The following PTPRD variants were observed in gnomAD, a reference collection of about 807,000 sequenced individuals.
PTPRD encodes receptor-type tyrosine-protein phosphatase delta.
PTPRD carries 34 observed loss-of-function variants against 214.5 expected under a neutral mutation model. The observed-to-expected ratio is 0.16, with a 90% CI of 0.12 to 0.21. The LOEUF is 0.21. PTPRD is among the 10% of genes least tolerant of loss of function. PTPRD has a pLI of 1.00. For synonymous variants in PTPRD, 1,128 were observed against 845.7 expected, an observed-to-expected ratio of 1.33 and a Z score of -5.79; for missense variants, 2,545 against 2,398.7, an observed-to-expected ratio of 1.06 and a Z score of -1.27.
chr9:10,599,266 C>T (rs545577612), intron 2 of PTPRD, among the ~76,000 whole-genome samples: 5 of 151,626 alleles, frequency 3.3e-5, no homozygotes, highest in Admixed American at 2.6e-4. Flanking sequence ...ACTCACCTTA[C>T]GACTGTTAAA....
At chr9:10,454,716 T>G (rs1240791197) in intron 2 of PTPRD, among the ~76,000 whole-genome samples, 2 of 151,802 alleles carry the variant, frequency 1.3e-5, no homozygotes, top group Non-Finnish European at 3.0e-5. Flanking sequence ...TTTGCATTAA[T>G]TGTTTCCTCT....
At chr9:9,262,832 C>G (rs1329561223) in intron 9 of PTPRD, among the ~76,000 whole-genome samples, 2 of 151,560 alleles carry the variant, frequency 1.3e-5, no homozygotes, top group African/African-American at 4.8e-5. Flanking sequence ...CTTTGGTTTC[C>G]TGAAATGAAA....
chr9:9,353,928 TTC>T (rs2052548938), intron 9 of PTPRD, among the ~76,000 whole-genome samples: 2 of 151,764 alleles, frequency 1.3e-5, no homozygotes, highest in Admixed American at 1.3e-4. Flanking sequence ...AGCTTCCAAG[TTC>T]TTTCAGGTTA....
Position 9,788,551 on chromosome 9 carries a change from CAAAAA to C in PTPRD, c.-367-21705_-367-21701del, listed in dbSNP as rs371559861. 2.6e-5 allele frequency among the ~76,000 whole-genome samples: 3 copies of C among 117,438 alleles called. No individual in the cohort carries two copies. The South Asian group carries it at 8.7e-4, about 34-fold the overall frequency. The allele number at this position is 117,438 out of a possible 152,430, so 77.0% of individuals were successfully genotyped here. Reference sequence around the variant, plus strand: ...TGGGCAACAGTGAGAAGCTCCGTCTCAAAAAAAAAAAAAAGAAAGAAAAAAAAAAG... The same window carrying C: ...TGGGCAACAGTGAGAAGCTCCGTCTCAAAAAAAAAGAAAGAAAAAAAAAAG... On this transcript the variant is annotated intron_variant, in intron 5 of 45. Coordinates refer to ENST00000381196, the MANE Select transcript of PTPRD (RefSeq NM_002839.4).
Position 8,331,579 on chromosome 9 carries a change from T to TACCATTCTTGAACTGTAACTC in PTPRD, c.5534+2_5534+3insGAGTTACAGTTCAAGAATGGT, listed in dbSNP as rs1841203287. On this transcript the variant is annotated splice_region_variant and intron_variant, in intron 44 of 45. Coordinates refer to ENST00000381196, the MANE Select transcript of PTPRD (RefSeq NM_002839.4). ...ACTGCTTTATTCACAAATGGAAACT[T>TACCATTCTTGAACTGTAACTC]ACCTGCAATGGACTGAAATGGGTCC... 6.2e-7 allele frequency: 1 copy of TACCATTCTTGAACTGTAACTC among 1,613,994 alleles called. No homozygotes were observed. The highest frequency in any genetic ancestry group is 1.3e-5 in the African/African-American group (1 of 75,032).
In PTPRD at chr9:8,485,777, G is replaced by A. The variant is rs764618985; in HGVS notation, c.3040C>T (p.Leu1014=). The A allele has an allele frequency of 3.1e-6, 5 of 1,611,768 alleles. No individual in the cohort carries two copies. The highest frequency in any genetic ancestry group is 1.3e-5 in the African/African-American group (1 of 74,862). The stretch of plus-strand genomic sequence containing the variant: ...CAAATCCTACCTTGATCCACAGGCA[G>A]TGTCCTGAACTGGACACTGGGACTA... ...PYSPSVQFRT[L]PVDQVFAKNF... Residue 1014 remains leucine (L), a synonymous_variant, in exon 28 of 46, where the codon CTG becomes TTG. Transcript: ENST00000381196.
chr9:9,926,038 C>T (rs1050927212), intron 5 of PTPRD, among the ~76,000 whole-genome samples: 1 of 151,816 alleles, frequency 6.6e-6, no homozygotes, highest in Non-Finnish European at 1.5e-5. Flanking sequence ...TCTATGTTGC[C>T]CAGGCTGGTC....
intron 12 of PTPRD, among the ~76,000 whole-genome samples, chr9:8,703,335 G>A (rs944358262): frequency 3.9e-5 from 6 of 152,106 alleles, no homozygotes; most frequent in African/African-American, 1.4e-4. Context: ...AATTGTCTGA[G>A]TTAAATGAAT....
intron 2 of PTPRD, among the ~76,000 whole-genome samples, chr9:10,576,861 A>G: frequency 6.6e-6 from 1 of 152,208 alleles, no homozygotes; most frequent in East Asian, 1.9e-4. Context: ...TAACAAGGGT[A>G]GATGCCACCA....
intron 8 of PTPRD, among the ~76,000 whole-genome samples, chr9:9,442,983 G>A (rs1022395914): frequency 1.3e-5 from 2 of 152,088 alleles, no homozygotes; most frequent in Non-Finnish European, 2.9e-5. Flanking sequence ...ATATGTGTGT[G>A]TGTGTATTTG....
At chr9:10,299,447 A>T (rs1330460656) in intron 3 of PTPRD, among the ~76,000 whole-genome samples, 1 of 152,170 alleles carries the variant, frequency 6.6e-6, no homozygotes, top group Non-Finnish European at 1.5e-5. Flanking sequence ...AGATGTTAAC[A>T]TCTGTAGAAT....
chr9:8,820,639 T>A (rs2097034656), intron 11 of PTPRD, among the ~76,000 whole-genome samples: 1 of 152,120 alleles, frequency 6.6e-6, no homozygotes, highest in Non-Finnish European at 1.5e-5. Context: ...ATTTTATGCC[T>A]TTTTCTGGCA....
intron 11 of PTPRD, among the ~76,000 whole-genome samples, chr9:8,830,754 A>T (rs1325439160): frequency 2.0e-5 from 3 of 152,120 alleles, no homozygotes; most frequent in Admixed American, 1.3e-4. Context: ...TTCGCACGCA[A>T]GGATATTCAC....
At chr9:8,790,246 C>T (rs2154506168) in intron 11 of PTPRD, among the ~76,000 whole-genome samples, 1 of 152,092 alleles carries the variant, frequency 6.6e-6, no homozygotes, top group South Asian at 2.1e-4. Context: ...CAACCCCTGA[C>T]CTGAAGTGAT....
At chr9:10,299,073 T>C (rs1344747627) in intron 3 of PTPRD, among the ~76,000 whole-genome samples, 2 of 152,144 alleles carry the variant, frequency 1.3e-5, no homozygotes, top group East Asian at 1.9e-4. Context: ...ATGTAGTAAA[T>C]GTTCAATTAA....
At chr9:9,435,137 A>G (rs1327639646) in intron 8 of PTPRD, among the ~76,000 whole-genome samples, 1 of 152,058 alleles carries the variant, frequency 6.6e-6, no homozygotes, top group Non-Finnish European at 1.5e-5. Context: ...TATTTCTATT[A>G]TCATTATTTT....
intron 3 of PTPRD, among the ~76,000 whole-genome samples, chr9:10,115,104 T>C (rs2098720411): frequency 6.6e-6 from 1 of 151,250 alleles, no homozygotes; most frequent in Non-Finnish European, 1.5e-5. Flanking sequence ...AAGGTTTAGG[T>C]CAATGCCTAT....
At chr9:9,501,336 T>A (rs1207240160) in intron 8 of PTPRD, among the ~76,000 whole-genome samples, 2 of 151,472 alleles carry the variant, frequency 1.3e-5, no homozygotes, top group South Asian at 4.2e-4. Flanking sequence ...GTAAGCAGAG[T>A]CAGAAAAAGT....
intron 11 of PTPRD, among the ~76,000 whole-genome samples, chr9:8,892,737 G>GTA (rs1304540463): frequency 1.3e-5 from 2 of 149,666 alleles, no homozygotes; most frequent in Admixed American, 1.3e-4. Flanking sequence ...ATATATGTAT[G>GTA]TATATATATA....
Sources: allele counts gnomAD v4.1 joint callset (sites outside exome capture counted in the v4.1 genomes callset), GRCh38; gene constraint gnomAD v4.1.1; transcripts MANE v1.5; gene names NCBI Gene and HGNC (gene_info 2026-07-23, HGNC 2026-07-21).